Variants in ARMH4 observed in about 807,000 individuals in gnomAD.
ARMH4 encodes the protein armadillo-like helical domain-containing protein 4.
In ARMH4, 49 loss-of-function variants were observed where a neutral mutation model predicts 61.9. The ratio of observed to expected loss-of-function variants is 0.79; its 90% CI spans 0.63 to 1.00. The LOEUF (loss-of-function observed/expected upper bound fraction) is 1.00, where lower values mean the gene tolerates loss of function less well. ARMH4 is among the 50% of genes least tolerant of loss of function. The probability of loss-of-function intolerance (pLI) is 0.00; values close to 1 mark genes in which losing one functional copy is unlikely to be tolerated. For missense variants in ARMH4, 934 were observed against 930.0 expected, an observed-to-expected ratio of 1.00 and a Z score of -0.06; for synonymous variants, 368 against 341.5, an observed-to-expected ratio of 1.08 and a Z score of -0.85.
intron 5 of ARMH4, among the ~76,000 whole-genome samples, chr14:58,030,326 C>A (rs1030221674): frequency 5.9e-5 from 9 of 152,214 alleles, no homozygotes; most frequent in African/African-American, 2.2e-4. Context: ...AATAGGAAGT[C>A]CTCTTACTGA....
intron 5 of ARMH4, among the ~76,000 whole-genome samples, chr14:58,096,306 G>A (rs550028446): frequency 7.9e-5 from 12 of 152,250 alleles, no homozygotes; most frequent in Middle Eastern, 3.4e-3. Flanking sequence ...TTTGTTCTTC[G>A]ACTCTGTCCC....
At chr14:58,129,485 A>G (rs1422723940) in intron 4 of ARMH4, among the ~76,000 whole-genome samples, 1 of 152,232 alleles carries the variant, frequency 6.6e-6, no homozygotes, top group Non-Finnish European at 1.5e-5. Context: ...ACCTGACGTA[A>G]GTAATACAGG....
At chr14:58,080,223 G>A (rs1005882679) in intron 5 of ARMH4, among the ~76,000 whole-genome samples, 1 of 151,916 alleles carries the variant, frequency 6.6e-6, no homozygotes, top group Non-Finnish European at 1.5e-5. Flanking sequence ...TCCACTTCCT[G>A]GGTTCAAGTG....
At chr14:58,075,545 T>C (rs1038646088) in intron 5 of ARMH4, among the ~76,000 whole-genome samples, 6 of 151,260 alleles carry the variant, frequency 4.0e-5, no homozygotes, top group Admixed American at 6.6e-5. Context: ...TAAGTGGGAG[T>C]TGAACCATGA....
chr14:58,023,100 G>A (rs1882901390), intron 5 of ARMH4, among the ~76,000 whole-genome samples: 2 of 152,294 alleles, frequency 1.3e-5, no homozygotes, highest in Non-Finnish European at 2.9e-5. Context: ...CTAATTAGGT[G>A]GTGGTTGCTG....
chr14:58,005,040 T>C lies in ARMH4; in HGVS notation c.2256+8A>G, dbSNP rs747714220. On this transcript the variant is annotated splice_region_variant and intron_variant, in intron 7 of 7. Coordinates refer to ENST00000267485, the MANE Select transcript of ARMH4 (RefSeq NM_001001872.4). ...ACTGATTAGGTTTTGCTGTTGTTGG[T>C]TCCATACCTTTCTTTTATGCCTTTT... 1.9e-6 allele frequency: 3 copies of C among 1,613,984 alleles called. No individual in the cohort carries two copies. Among genetic ancestry groups the C allele is most frequent in the Admixed American group, 3.3e-5 (2 of 59,988 alleles).
At chr14:58,123,003 C>G (rs1447457883) in intron 4 of ARMH4, among the ~76,000 whole-genome samples, 1 of 152,150 alleles carries the variant, frequency 6.6e-6, no homozygotes, top group Non-Finnish European at 1.5e-5. Flanking sequence ...ACTGGCACAG[C>G]CTTCTCGGTC....
chr14:58,017,087 G>A (rs867823079), intron 5 of ARMH4, among the ~76,000 whole-genome samples: 13 of 152,162 alleles, frequency 8.5e-5, no homozygotes, highest in East Asian at 1.9e-4. Flanking sequence ...AGGCTGAGGC[G>A]GGTGGCTCAC....
At chr14:58,087,859 T>A (rs964455737) in intron 5 of ARMH4, among the ~76,000 whole-genome samples, 2 of 152,340 alleles carry the variant, frequency 1.3e-5, no homozygotes, top group South Asian at 4.1e-4. Flanking sequence ...TATCTAGAAC[T>A]GTTCATCAGA....
chr14:58,074,460 T>C (rs1215072735), intron 5 of ARMH4, among the ~76,000 whole-genome samples: 2 of 152,134 alleles, frequency 1.3e-5, no homozygotes, highest in African/African-American at 4.8e-5. Context: ...AGTTCTTTTT[T>C]TTTTTTTTTA....
intron 5 of ARMH4, among the ~76,000 whole-genome samples, chr14:58,032,793 A>T (rs1883302062): frequency 6.6e-6 from 1 of 152,146 alleles, no homozygotes; most frequent in African/African-American, 2.4e-5. Flanking sequence ...GAGGTGACGG[A>T]CGCACCTGGA....
At chr14:58,028,427 G>C (rs4901834) in intron 5 of ARMH4, among the ~76,000 whole-genome samples, 36,663 of 152,058 alleles carry the variant, frequency 0.24, 4,856 homozygotes, top group Non-Finnish European at 0.3. Flanking sequence ...AGTCAAGGCT[G>C]GGGCTTCATG....
chr14:58,004,855 G>T, intron 7 of ARMH4, 51 bp from the exon 8 acceptor site: 1 of 1,571,430 alleles, frequency 6.4e-7, no homozygotes, highest in Non-Finnish European at 8.7e-7. Flanking sequence ...ACAGAGCAAA[G>T]CTGAGAAACA....
intron 5 of ARMH4, among the ~76,000 whole-genome samples, chr14:58,026,693 G>T (rs146806367): frequency 6.6e-6 from 1 of 152,136 alleles, no homozygotes; most frequent in East Asian, 1.9e-4. Context: ...CAACCATAAA[G>T]CCCATCAGCT....
At chr14:58,044,720 A>T (rs1347711121) in intron 5 of ARMH4, among the ~76,000 whole-genome samples, 1 of 152,198 alleles carries the variant, frequency 6.6e-6, no homozygotes, top group Admixed American at 6.5e-5. Context: ...TACTCATCCG[A>T]TAAAGGGCTA....
At chr14:58,067,428 A>T (rs935049296) in intron 5 of ARMH4, among the ~76,000 whole-genome samples, 9 of 152,192 alleles carry the variant, frequency 5.9e-5, no homozygotes, top group Non-Finnish European at 1.2e-4. Flanking sequence ...ACAAAACTAC[A>T]GGATGAAGCT....
intron 2 of ARMH4, among the ~76,000 whole-genome samples, chr14:58,133,924 C>T (rs949168089): frequency 1.3e-5 from 2 of 152,200 alleles, no homozygotes; most frequent in Admixed American, 1.3e-4. Flanking sequence ...ACAGAAGCTG[C>T]ATCATAGTGC....
Position 58,138,782 on chromosome 14 carries a change from C to T in ARMH4, c.577G>A (p.Ala193Thr), listed in dbSNP as rs752359198. 1.6e-5 allele frequency: 26 copies of T among 1,614,076 alleles called. No homozygotes were observed. The highest frequency in any genetic ancestry group is 1.9e-5 in the Non-Finnish European group (23 of 1,180,042). Residue 193 changes from alanine (A) to threonine (T), a missense_variant, in exon 2 of 8, where the codon GCA becomes ACA. Ala to Thr is a moderately conservative substitution (Grantham distance 58). Coordinates refer to ENST00000267485, the MANE Select transcript of ARMH4 (RefSeq NM_001001872.4). ...CCAACTCCTTCCTGACTTTCAGTTG[C>T]AAATGATTGATTATCCATATACTTC... Reference protein sequence around the residue: ...FLKYMDNQSFATESQEGVGLG... With the variant: ...FLKYMDNQSFTTESQEGVGLG...
chr14:58,090,805 G>T (rs1885530615), intron 5 of ARMH4, among the ~76,000 whole-genome samples: 1 of 149,342 alleles, frequency 6.7e-6, no homozygotes. Context: ...GCTTGAACCC[G>T]AGAGGTGGAG....
Sources: allele counts gnomAD v4.1 joint callset (sites outside exome capture counted in the v4.1 genomes callset), GRCh38; gene constraint gnomAD v4.1.1; transcripts MANE v1.5; gene names NCBI Gene and HGNC (gene_info 2026-07-23, HGNC 2026-07-21).